Variants in CSMD1 observed in about 807,000 individuals in gnomAD.
The protein encoded by CSMD1 is CUB and Sushi multiple domains 1, also known as CUB and sushi domain-containing protein 1.
A neutral mutation model predicts 417.5 loss-of-function variants in CSMD1; 213 were observed. That is an observed-to-expected ratio of 0.51 (90% CI 0.46 to 0.57). The LOEUF is 0.57. Among genes scored for constraint, CSMD1 ranks in the 20% least tolerant of loss-of-function variants. CSMD1 has a pLI of 0.00. For missense variants in CSMD1, 6,923 were observed against 4,529.7 expected, an observed-to-expected ratio of 1.53 and a Z score of -15.17; for synonymous variants, 2,862 against 1,736.8, an observed-to-expected ratio of 1.65 and a Z score of -16.11.
At chr8:3,085,689 G>C (rs763799841) in intron 49 of CSMD1, among the ~76,000 whole-genome samples, 1 of 152,158 alleles carries the variant, frequency 6.6e-6, no homozygotes, top group Non-Finnish European at 1.5e-5. Context: ...GGAGAAGAAA[G>C]AAGTCAAGAC....
At chr8:2,963,506 G>T in intron 59 of CSMD1, 111 bp from the exon 60 acceptor site, 2 of 1,030,872 alleles carry the variant, frequency 1.9e-6, no homozygotes, top group Non-Finnish European at 1.4e-6. Context: ...ATCTACATAG[G>T]TTTTTAAAAA....
At chr8:4,320,718 T>A (rs532215494) in intron 3 of CSMD1, among the ~76,000 whole-genome samples, 2 of 152,328 alleles carry the variant, frequency 1.3e-5, no homozygotes, top group East Asian at 3.9e-4. Context: ...TAGTATTCCA[T>A]GGTGTGTATG....
At chr8:4,541,189 G>T (rs1318333183) in intron 2 of CSMD1, among the ~76,000 whole-genome samples, 1 of 152,042 alleles carries the variant, frequency 6.6e-6, no homozygotes, top group African/African-American at 2.4e-5. Context: ...ATTTCCAGCT[G>T]CATCTAGGGA....
chr8:3,978,457 A>T (rs11987711), intron 5 of CSMD1, among the ~76,000 whole-genome samples: 3 of 151,892 alleles, frequency 2.0e-5, no homozygotes, highest in Non-Finnish European at 4.4e-5. Context: ...CAATACAGGC[A>T]TTATTGTAAG....
intron 3 of CSMD1, among the ~76,000 whole-genome samples, chr8:4,041,764 T>C (rs1365513438): frequency 6.6e-6 from 1 of 152,088 alleles, no homozygotes; most frequent in Non-Finnish European, 1.5e-5. Flanking sequence ...TGATGGAACA[T>C]GTTGTCTTGA....
chr8:4,008,187 A>G (rs188009849), intron 4 of CSMD1, among the ~76,000 whole-genome samples: 176 of 152,308 alleles, frequency 1.2e-3, no homozygotes, highest in East Asian at 7.3e-3. Flanking sequence ...TGAGCAAGCT[A>G]CAGGGCAGCT....
At chr8:3,776,310 C>A (rs1029652566) in intron 5 of CSMD1, among the ~76,000 whole-genome samples, 4 of 152,108 alleles carry the variant, frequency 2.6e-5, no homozygotes, top group Admixed American at 2.6e-4. Flanking sequence ...CACATACAAC[C>A]CAAATTAGAT....
intron 3 of CSMD1, among the ~76,000 whole-genome samples, chr8:4,089,528 C>A (rs1481027392): frequency 2.0e-5 from 3 of 152,150 alleles, no homozygotes; most frequent in Non-Finnish European, 4.4e-5. Context: ...TCTTATATAG[C>A]ATTCTGATTT....
intron 3 of CSMD1, among the ~76,000 whole-genome samples, chr8:4,211,701 A>G (rs907360006): frequency 2.6e-5 from 4 of 152,228 alleles, no homozygotes; most frequent in Non-Finnish European, 4.4e-5. Flanking sequence ...CAAGTTGAAC[A>G]TGAAGCAACC....
At chr8:4,064,157 T>G (rs141507374) in intron 3 of CSMD1, among the ~76,000 whole-genome samples, 2 of 152,298 alleles carry the variant, frequency 1.3e-5, no homozygotes, top group East Asian at 1.9e-4. Flanking sequence ...GTTCAAAAGT[T>G]TGACTATGAA....
intron 1 of CSMD1, among the ~76,000 whole-genome samples, chr8:4,934,584 C>A (rs777210752): frequency 6.6e-6 from 1 of 152,170 alleles, no homozygotes; most frequent in African/African-American, 2.4e-5. Flanking sequence ...AGAAAGGACA[C>A]AGGCCCAATA....
At chr8:3,366,404 G>A (rs1167535745) in intron 20 of CSMD1, among the ~76,000 whole-genome samples, 2 of 152,080 alleles carry the variant, frequency 1.3e-5, no homozygotes, top group African/African-American at 4.8e-5. Context: ...TAGCATCTCT[G>A]TCATAGAACT....
At chr8:3,755,404 T>C (rs533326772) in intron 5 of CSMD1, among the ~76,000 whole-genome samples, 3 of 152,370 alleles carry the variant, frequency 2.0e-5, no homozygotes, top group African/African-American at 4.8e-5. Flanking sequence ...GGTTGTGCAC[T>C]GAATAATTAT....
intron 26 of CSMD1, among the ~76,000 whole-genome samples, chr8:3,255,251 C>G (rs56092017): frequency 3.3e-5 from 5 of 151,808 alleles, no homozygotes; most frequent in Non-Finnish European, 7.4e-5. Context: ...GGGGTGTACC[C>G]AGCCGTGTGA....
intron 3 of CSMD1, among the ~76,000 whole-genome samples, chr8:4,410,171 G>A (rs1317569988): frequency 1.3e-5 from 2 of 152,130 alleles, no homozygotes; most frequent in African/African-American, 2.4e-5. Context: ...AATGGAAGGA[G>A]AAATTAAAAG....
intron 62 of CSMD1, among the ~76,000 whole-genome samples, chr8:2,960,936 C>G (rs960668056): frequency 6.3e-5 from 4 of 63,442 alleles, no homozygotes; most frequent in African/African-American, 1.9e-4. Flanking sequence ...ATCTAGTAAG[C>G]AAGATATATA....
At chr8:4,631,642 T>G (rs938069460) in intron 2 of CSMD1, among the ~76,000 whole-genome samples, 2 of 152,194 alleles carry the variant, frequency 1.3e-5, no homozygotes, top group Non-Finnish European at 2.9e-5. Context: ...ATAAAACTGT[T>G]TTTAAAAATA....
chr8:4,419,032 G>GTA (rs1797103867), intron 3 of CSMD1, among the ~76,000 whole-genome samples: 1 of 152,184 alleles, frequency 6.6e-6, no homozygotes, highest in Non-Finnish European at 1.5e-5. Flanking sequence ...CAAACCACGT[G>GTA]TATATTTTAA....
At chr8:3,062,013 A>C (rs1455604712) in intron 49 of CSMD1, among the ~76,000 whole-genome samples, 1 of 152,122 alleles carries the variant, frequency 6.6e-6, no homozygotes, top group African/African-American at 2.4e-5. Flanking sequence ...TTATTTCACC[A>C]TATGTATATT....
Sources: allele counts gnomAD v4.1 joint callset (sites outside exome capture counted in the v4.1 genomes callset), GRCh38; gene constraint gnomAD v4.1.1; transcripts MANE v1.5; gene names NCBI Gene and HGNC (gene_info 2026-07-23, HGNC 2026-07-21).